The following TTN variants were observed in gnomAD, a reference collection of about 807,000 sequenced individuals.
The protein encoded by TTN is connectin.
Under a neutral mutation model 3,223.0 loss-of-function variants are expected in TTN, and 1,525 were observed. The observed-to-expected ratio is 0.47, with a 90% CI of 0.45 to 0.49. The LOEUF is 0.49. Ranked by LOEUF, TTN falls within the 20% of genes least tolerant of loss-of-function variation. The pLI is 0.00. For missense variants in TTN, 40,786 were observed against 43,424.0 expected, an observed-to-expected ratio of 0.94 and a Z score of 5.40; for synonymous variants, 14,094 against 15,161.0, an observed-to-expected ratio of 0.93 and a Z score of 5.17.
In TTN at chr2:178,534,510, A is replaced by G. The variant is rs370647845; in HGVS notation, c.102105T>C (p.Asp34035=). 42 of 1,613,686 alleles carry G rather than the reference A, an allele frequency of 2.6e-5. No individual in the cohort carries two copies. The highest frequency in any genetic ancestry group is 4.0e-5 in the African/African-American group (3 of 74,918). The change falls in exon 358 of 363, where the codon GAT becomes GAC. Residue 34035 remains aspartate (D), a synonymous_variant. Transcript: ENST00000589042. ...TGCTAATCTCTTTGAATGCTTCCTC[A>G]TCGAAAGTATATTCAGCATTCATGA... ...ENIMNAEYTF[D]EEAFKEISIE... is the part of the protein sequence containing the mutation.
chr2:178,777,826 C>T lies in TTN; in HGVS notation c.4358G>A (p.Arg1453Lys). 6.2e-7 allele frequency: 1 copy of T among 1,614,036 alleles called. No individual in the cohort carries two copies. The highest frequency in any genetic ancestry group is 1.1e-5 in the South Asian group (1 of 91,074). The change falls in exon 25 of 363, where the codon AGA becomes AAA. Residue 1453 changes from arginine (R) to lysine (K), a missense_variant. By Grantham distance (26) the Arg-to-Lys change is conservative. Coordinates refer to ENST00000589042, the MANE Select transcript of TTN (RefSeq NM_001267550.2). ...LEETDESQLERLYKPVFVLKP... is the reference protein window; with the variant it reads ...LEETDESQLEKLYKPVFVLKP... ...TAACACAAAGACTGGTTTATATAGT[C>T]TCTCAAGTTGTGACTCATCTGTCTC...
intron 159 of TTN, among the ~76,000 whole-genome samples, chr2:178,668,993 A>T (rs908940480): frequency 1.3e-5 from 2 of 152,128 alleles, no homozygotes; most frequent in East Asian, 3.8e-4. Flanking sequence ...GAGTAAAAAA[A>T]AAAATAATGG....
intron 281 of TTN, 49 bp from the exon 282 acceptor site, chr2:178,604,354 G>A (rs757654071): frequency 3.0e-6 from 4 of 1,342,654 alleles, no homozygotes; most frequent in East Asian, 2.6e-5. Context: ...TACTTATGTT[G>A]GTTTTCACTC....
At position 178,529,216 on chromosome 2, in the gene TTN, A is replaced by G; in HGVS notation, c.106535T>C (p.Ile35512Thr). ...GACTTTCTGTGCCTCAGTATCTTTTATAGCTAAAAAAGAAACCTCTGTAAG... is the reference window on the plus strand; with the variant it reads ...GACTTTCTGTGCCTCAGTATCTTTTGTAGCTAAAAAAGAAACCTCTGTAAG... ...SSSCKLTIKA[I>T]KDTEAQKVST... The change falls in exon 360 of 363, where the codon ATA becomes ACA. Residue 35512 changes from isoleucine to threonine, a missense_variant. Physicochemically the swap from Ile to Thr is moderately conservative, Grantham distance 89. Coordinates refer to ENST00000589042, the MANE Select transcript of TTN (RefSeq NM_001267550.2). The G allele has an allele frequency of 6.8e-7, 1 of 1,463,588 alleles. No individual in the cohort carries two copies. Among genetic ancestry groups the G allele is most frequent in the Non-Finnish European group, 9.0e-7 (1 of 1,110,610 alleles). The allele number at this position is 1,463,588 out of a possible 1,614,324, so 90.7% of individuals were successfully genotyped here.
In TTN at chr2:178,602,354, T is replaced by C; in HGVS notation, c.55048A>G (p.Lys18350Glu). Reference sequence around the variant, plus strand: ...GATTCACCAGCTTCATTGACAGCTTTCACTCTGAATCTGTACTTCCTGAGC... The same window carrying C: ...GATTCACCAGCTTCATTGACAGCTTCCACTCTGAATCTGTACTTCCTGAGC... ...KELRKYRFRV[K>E]AVNEAGESEP... Residue 18350 changes from lysine to glutamate, a missense_variant, in exon 283 of 363, where the codon AAA (lysine) becomes GAA (glutamate). By Grantham distance (56) the Lys-to-Glu change is moderately conservative. Coordinates refer to ENST00000589042, the MANE Select transcript of TTN (RefSeq NM_001267550.2). 5 of 1,612,956 alleles carry C rather than the reference T, an allele frequency of 3.1e-6. No individual in the cohort carries two copies. The highest frequency in any genetic ancestry group is 4.2e-6 in the Non-Finnish European group (5 of 1,179,328).
At chr2:178,688,083 T>C (rs1032508423) in intron 127 of TTN, 28 bp downstream of exon 127, 2 of 1,590,494 alleles carry the variant, frequency 1.3e-6, no homozygotes, top group Admixed American at 3.3e-5. Flanking sequence ...AAACCCCAGA[T>C]CATCTCTAGC....
intron 152 of TTN, among the ~76,000 whole-genome samples, chr2:178,673,082 G>T (rs1272647184): frequency 6.6e-6 from 1 of 151,770 alleles, no homozygotes; most frequent in Non-Finnish European, 1.5e-5. Context: ...ATTAGCTGAG[G>T]AGTCTACTAT....
chr2:178,748,091 G>A, intron 47 of TTN: 3 of 1,612,986 alleles, frequency 1.9e-6, no homozygotes, highest in Non-Finnish European at 2.5e-6. Context: ...TTCCTCACTT[G>A]CTGCTTTTTT....
intron 33 of TTN, 65 bp from the exon 34 acceptor site, chr2:178,771,536 C>T (rs947550421): frequency 3.2e-5 from 51 of 1,592,804 alleles, no homozygotes; most frequent in Non-Finnish European, 4.3e-5. Flanking sequence ...AAAATCTTTG[C>T]AGAAGTAAAT....
In TTN at chr2:178,531,385, G is replaced by A; in HGVS notation, c.105230C>T (p.Ser35077Phe). Residue 35077 changes from serine to phenylalanine, a missense_variant, in exon 358 of 363, where the codon TCT becomes TTT. Physicochemically the swap from Ser to Phe is radical, Grantham distance 155 (BLOSUM62 -2). Transcript: ENST00000589042. ...CTGTGATTTCACTTCCCTGACAGAAGACGAAGCTTCCATCTCAGATGTTTT... is the reference window on the plus strand; with the variant it reads ...CTGTGATTTCACTTCCCTGACAGAAAACGAAGCTTCCATCTCAGATGTTTT... The part of the protein sequence containing the change: ...FKKTSEMEAS[S>F]SVREVKSQMT... The A allele has an allele frequency of 6.2e-7, 1 of 1,614,022 alleles. No homozygotes were observed. The highest frequency in any genetic ancestry group is 8.5e-7 in the Non-Finnish European group (1 of 1,179,902).
Position 178,640,563 on chromosome 2 carries a change from C to T in TTN, c.40701G>A (p.Arg13567=), listed in dbSNP as rs750761966. The T allele has an allele frequency of 3.1e-5, 49 of 1,601,864 alleles. No individual in the cohort carries two copies. The highest frequency in any genetic ancestry group is 3.9e-5 in the Non-Finnish European group (46 of 1,175,372). The change falls in exon 221 of 363, where the codon AGG becomes AGA. Residue 13567 remains arginine (R), a synonymous_variant. Transcript: ENST00000589042. The stretch of plus-strand genomic sequence containing the variant: ...TACCTTTTGTTGGTTCAGGAATCTT[C>T]CTTTCCCTTTTTGTAACAGTAGGTA... The part of the protein sequence containing the change: ...VEVPTVTKRE[R]KIPEPTKVPE...
intron 21 of TTN, 58 bp from the exon 22 acceptor site, chr2:178,780,263 AC>A: frequency 1.4e-6 from 2 of 1,463,182 alleles, no homozygotes; most frequent in Non-Finnish European, 1.9e-6. Flanking sequence ...CAGTCATACC[AC>A]TATGCATTCA....
In TTN at chr2:178,702,661, C is replaced by A; in HGVS notation, c.30226G>T (p.Glu10076Ter). The change falls in exon 107 of 363, where the codon GAA becomes TAA. Residue 10076 changes from glutamate to a stop codon, truncating the protein, a stop_gained and splice_region_variant. Coordinates refer to ENST00000589042, the MANE Select transcript of TTN (RefSeq NM_001267550.2). LOFTEE classifies it high-confidence loss of function. ...ETSAELRIEAEPIQFTKRIQN... is the reference protein window; with the variant it reads ...ETSAELRIEA ...ATGCGCTTTGTAAACTGAATTGGTT[C>A]AGCTGTTTAAGTACAAAGAGGGTTC... The A allele has an allele frequency of 1.2e-6, 2 of 1,612,116 alleles. No individual in the cohort carries two copies. The highest frequency in any genetic ancestry group is 2.2e-5 in the South Asian group (2 of 90,958).
At chr2:178,671,213 G>A (rs1022969000) in intron 155 of TTN, 43 bp from the exon 156 acceptor site, 16 of 1,464,484 alleles carry the variant, frequency 1.1e-5, no homozygotes, top group Middle Eastern at 2.2e-4. Context: ...AACTCTTGAA[G>A]TATTTTGGAG....
At chr2:178,700,867 T>C (rs979328567) in intron 111 of TTN, among the ~76,000 whole-genome samples, 2 of 152,214 alleles carry the variant, frequency 1.3e-5, no homozygotes, top group African/African-American at 4.8e-5. Flanking sequence ...ATTAGTTCTC[T>C]ATTAATGTTT....
At chr2:178,555,482 G>T in intron 330 of TTN, 1 of 236,152 alleles carries the variant, frequency 4.2e-6, no homozygotes, top group Non-Finnish European at 8.0e-6. Flanking sequence ...TTTCACTTTA[G>T]CTTTTCTTTC....
intron 218 of TTN, among the ~76,000 whole-genome samples, chr2:178,643,255 T>C (rs1416587706): frequency 1.3e-5 from 2 of 152,016 alleles, no homozygotes; most frequent in African/African-American, 4.8e-5. Context: ...AACAAGATAT[T>C]TGCAATTCAT....
intron 159 of TTN, among the ~76,000 whole-genome samples, chr2:178,669,048 T>G (rs2066492971): frequency 6.6e-6 from 1 of 151,892 alleles, no homozygotes. Flanking sequence ...TATTATGGAG[T>G]TAAGTTACTT....
At position 178,616,983 on chromosome 2, in the gene TTN, T is replaced by A. The variant is rs2057450267; in HGVS notation, c.47906A>T (p.Lys15969Ile). 6.2e-7 allele frequency: 1 copy of A among 1,612,454 alleles called. No individual in the cohort carries two copies. Among genetic ancestry groups the A allele is most frequent in the African/African-American group, 1.3e-5 (1 of 74,808 alleles). The change falls in exon 256 of 363, where the codon AAA becomes ATA. Residue 15969 changes from lysine to isoleucine, a missense_variant. By Grantham distance (102) the Lys-to-Ile change is moderately radical. Coordinates refer to ENST00000589042, the MANE Select transcript of TTN (RefSeq NM_001267550.2). ...TGGGACAATAACTTCCAGACCATCT[T>A]TAAATGCACTTAAATCCATTGTTGG... ...VEPTMDLSAFKDGLEVIVPNP... is the reference protein window; with the variant it reads ...VEPTMDLSAFIDGLEVIVPNP...
Sources: gnomAD v4.1 joint callset for allele counts (sites outside exome capture counted in the v4.1 genomes callset) on GRCh38, gnomAD v4.1.1 for gene constraint, MANE v1.5 for transcripts, NCBI Gene and HGNC (gene_info 2026-07-23, HGNC 2026-07-21) for gene names.